Variants in ZNF426 observed in about 807,000 individuals in gnomAD.
The protein encoded by ZNF426 is zinc finger protein 426.
A neutral mutation model predicts 24.0 loss-of-function variants in ZNF426; 23 were observed. The observed-to-expected ratio is 0.96, with a 90% CI of 0.69 to 1.36. The LOEUF (loss-of-function observed/expected upper bound fraction) is 1.36, where lower values mean the gene tolerates loss of function less well. Among genes scored for constraint, ZNF426 ranks in the 40% most tolerant of loss-of-function variants. The pLI is 0.00. For synonymous variants in ZNF426, 272 were observed against 224.6 expected (o/e 1.21, Z -1.89); for missense variants, 646 against 658.4 (o/e 0.98, Z 0.21).
At chr19:9,536,705 A>G (rs1467545036) in intron 2 of ZNF426, 4 of 208,440 alleles carry the variant, frequency 1.9e-5, no homozygotes, top group Admixed American at 1.1e-4. Flanking sequence ...ACTCAAATCA[A>G]ATCTGCATCC....
rs762908262 is a variant in ZNF426, at chr19:9,535,166, TAAG to T, written c.117+19_117+21del. ...GTGGATGCAAGTATGTCACTATGTA[TAAG>T]AATACAGCTGCTTTTTACCTGATAA... On this transcript the variant is annotated intron_variant, in intron 4 of 7. Transcript: ENST00000253115. The T allele has an allele frequency of 5.0e-5, 79 of 1,593,928 alleles. No homozygotes were observed. Among genetic ancestry groups the T allele is most frequent in the Middle Eastern group, 3.3e-4 (2 of 5,990 alleles).
At position 9,528,790 on chromosome 19, in the gene ZNF426, C is replaced by G; in HGVS notation, c.1255G>C (p.Ala419Pro). 6.2e-7 allele frequency: 1 copy of G among 1,613,892 alleles called. No homozygotes were observed. The highest frequency in any genetic ancestry group is 1.1e-5 in the South Asian group (1 of 91,068). ...GHLRTHTEEKACECKICGKVF... is the reference protein window; with the variant it reads ...GHLRTHTEEKPCECKICGKVF... ...TTCCCACATATCTTACACTCACAGG[C>G]CTTCTCTTCAGTGTGAGTTCTCAAA... is the stretch of plus-strand genomic sequence containing the variant. The change falls in exon 8 of 8, where the codon GCC becomes CCC. Residue 419 changes from alanine to proline, a missense_variant. Coordinates refer to ENST00000253115, the MANE Select transcript of ZNF426 (RefSeq NM_024106.3).
chr19:9,533,038 GA>G, intron 5 of ZNF426, 113 bp from the exon 6 acceptor site: 1 of 882,194 alleles, frequency 1.1e-6, no homozygotes, highest in Non-Finnish European at 1.8e-6. Context: ...TCAAAAGGGC[GA>G]AAAATGCAAA....
intron 3 of ZNF426, among the ~76,000 whole-genome samples, chr19:9,535,788 T>C (rs2073956193): frequency 6.7e-6 from 1 of 148,648 alleles, no homozygotes; most frequent in Admixed American, 6.8e-5. Flanking sequence ...GAGCTATGAA[T>C]GCACCACTGC....
chr19:9,534,571 C>T (rs2073936444), intron 4 of ZNF426, among the ~76,000 whole-genome samples: 1 of 151,808 alleles, frequency 6.6e-6, no homozygotes, highest in Non-Finnish European at 1.5e-5. Context: ...CTGATCAATG[C>T]TGATAAACAA....
In ZNF426 at chr19:9,528,770, A is replaced by G; in HGVS notation, c.1275T>C (p.Cys425=). 1.2e-6 allele frequency: 2 copies of G among 1,614,086 alleles called. No individual in the cohort carries two copies. The highest frequency in any genetic ancestry group is 1.7e-6 in the Non-Finnish European group (2 of 1,180,002). ...ATGAGGGATACCCAAATACTTTCCC[A>G]CATATCTTACACTCACAGGCCTTCT... ...TEEKACECKI[C]GKVFGYPSCL... The change falls in exon 8 of 8, where the codon TGT becomes TGC. Residue 425 remains cysteine (C), a synonymous_variant. Transcript: ENST00000253115.
chr19:9,529,368 C>T lies in ZNF426; in HGVS notation c.677G>A (p.Cys226Tyr), dbSNP rs1471825962. The stretch of plus-strand genomic sequence containing the variant: ...AATGAAGGATTTTCCACAGTGACTA[C>T]ATTCAAATGACTTTTCTTGTGTGCT... ...RTSTQEKSFE[C>Y]SHCGKSFINE... The change falls in exon 8 of 8, where the codon TGT (cysteine) becomes TAT (tyrosine). Residue 226 changes from cysteine to tyrosine, a missense_variant. Cys to Tyr is a radical substitution (Grantham distance 194, BLOSUM62 -2). Coordinates refer to ENST00000253115, the MANE Select transcript of ZNF426 (RefSeq NM_024106.3). The T allele has an allele frequency of 1.2e-6, 2 of 1,614,198 alleles. No homozygotes were observed. The highest frequency in any genetic ancestry group is 1.1e-5 in the South Asian group (1 of 91,078).
chr19:9,528,281 C>T lies in ZNF426; in HGVS notation c.*99G>A. The T allele has an allele frequency of 7.9e-7, 1 of 1,265,752 alleles. No homozygotes were observed. Among genetic ancestry groups the T allele is most frequent in the Non-Finnish European group, 1.1e-6 (1 of 921,736 alleles). The allele number at this position is 1,265,752 out of a possible 1,614,324, so 78.4% of individuals were successfully genotyped here. On this transcript the variant is annotated 3_prime_UTR_variant, in exon 8 of 8. Transcript: ENST00000253115. Reference sequence around the variant, plus strand: ...GGGATTACAGGAATTAAGTAATTTTCATGCAGCTTCTTCTCTCCAGAGTGA... The same window carrying T: ...GGGATTACAGGAATTAAGTAATTTTTATGCAGCTTCTTCTCTCCAGAGTGA...
chr19:9,535,077 CAAA>C (rs35638085), intron 4 of ZNF426, 108 bp downstream of exon 4: 9,245 of 408,888 alleles, frequency 0.023, no homozygotes, highest in South Asian at 0.03. Context: ...GACTCCCTCT[CAAA>C]AAAAAAAAAA....
In ZNF426 at chr19:9,525,164, G is replaced by A. The variant is rs1009637208; in HGVS notation, c.*3216C>T. 22 of 151,086 alleles carry A rather than the reference G, an allele frequency of 1.5e-4. No individual in the cohort carries two copies. Among genetic ancestry groups the A allele is most frequent in the Non-Finnish European group, 2.9e-4 (20 of 67,852 alleles). The allele number at this position is 151,086 out of a possible 1,614,324, so 9.4% of individuals were successfully genotyped here. On this transcript the variant is annotated 3_prime_UTR_variant, in exon 8 of 8. Transcript: ENST00000253115. ...CTCGGGAGGCTGAGGCAGGAGAATG[G>A]CGTGAACCCGGGAGGCGGAGCTTGC...
At position 9,524,903 on chromosome 19, in the gene ZNF426, A is replaced by G. The variant is rs1162825453; in HGVS notation, c.*3477T>C. The stretch of plus-strand genomic sequence containing the variant: ...AATTTAAATAACTAGGTTTTTCAAC[A>G]TTGCTTTACATTTTCAGGGTTTTTC... On this transcript the variant is annotated 3_prime_UTR_variant, in exon 8 of 8. Transcript: ENST00000253115. 6.6e-6 allele frequency: 1 copy of G among 151,814 alleles called. No homozygotes were observed. Among genetic ancestry groups the G allele is most frequent in the African/African-American group, 2.4e-5 (1 of 41,356 alleles). 9.4% of individuals were successfully genotyped at this position (151,814 alleles called of 1,614,324 possible).
chr19:9,537,142 AT>A lies in ZNF426; in HGVS notation c.-124-787del, dbSNP rs202019538. ...AAGACTCTGTCTCAAAAAAAAAATAATAATAATAATAATGACAATCATTAAT... is the reference window on the plus strand; with the variant it reads ...AAGACTCTGTCTCAAAAAAAAAATAAAATAATAATAATGACAATCATTAAT... On this transcript the variant is annotated intron_variant, in intron 2 of 7. Coordinates refer to ENST00000253115, the MANE Select transcript of ZNF426 (RefSeq NM_024106.3). Among the ~76,000 whole-genome samples, 299 of 150,640 alleles carry A rather than the reference AT, an allele frequency of 2.0e-3. 1 individual carries two copies. Among genetic ancestry groups the A allele is most frequent in the African/African-American group, 7.1e-3 (284 of 40,004 alleles).
chr19:9,533,832 A>G lies in ZNF426; in HGVS notation c.244+8T>C. 6.2e-7 allele frequency: 1 copy of G among 1,614,032 alleles called. No individual in the cohort carries two copies. Among genetic ancestry groups the G allele is most frequent in the Non-Finnish European group, 8.5e-7 (1 of 1,179,924 alleles). On this transcript the variant is annotated splice_region_variant and intron_variant, in intron 5 of 7. Transcript: ENST00000253115. ...ATAGAAGGCTGCAAGGGATGAGGCC[A>G]GTCTTACCTACTGTGGCCAGGTTCT...
chr19:9,525,743 TC>T lies in ZNF426; in HGVS notation c.*2636del, dbSNP rs2073786056. 1.3e-5 allele frequency: 2 copies of T among 152,110 alleles called. No homozygotes were observed. Among genetic ancestry groups the T allele is most frequent in the Admixed American group, 1.3e-4 (2 of 15,248 alleles). 9.4% of individuals were successfully genotyped at this position (152,110 alleles called of 1,614,324 possible). A position where few individuals can be genotyped will look rare whatever the true frequency, so the allele number is the denominator to read the frequency against. On this transcript the variant is annotated 3_prime_UTR_variant, in exon 8 of 8. Coordinates refer to ENST00000253115, the MANE Select transcript of ZNF426 (RefSeq NM_024106.3). Reference sequence around the variant, plus strand: ...ACCTCATGATCCACCCACCTCTGCCTCCCAAAGTGCTGGGATTACAGGGTTG... The same window carrying T: ...ACCTCATGATCCACCCACCTCTGCCTCCAAAGTGCTGGGATTACAGGGTTG...
chr19:9,529,140 T>G lies in ZNF426; in HGVS notation c.905A>C (p.His302Pro). ...ACATTCATATGGTTTCTCCCCAGTG[T>G]GGGTTCGCATGTGAATACTGAGGTA... is the stretch of plus-strand genomic sequence containing the variant. ...PAYLSIHMRT[H>P]TGEKPYECKE... The change falls in exon 8 of 8, where the codon CAC becomes CCC. Residue 302 changes from histidine (H) to proline (P), a missense_variant. By Grantham distance (77) the His-to-Pro change is moderately conservative. Coordinates refer to ENST00000253115, the MANE Select transcript of ZNF426 (RefSeq NM_024106.3). 6.2e-7 allele frequency: 1 copy of G among 1,614,232 alleles called. No individual in the cohort carries two copies. The highest frequency in any genetic ancestry group is 8.5e-7 in the Non-Finnish European group (1 of 1,180,044).
chr19:9,533,409 T>A (rs994493108), intron 5 of ZNF426, among the ~76,000 whole-genome samples: 4 of 152,154 alleles, frequency 2.6e-5, no homozygotes, highest in African/African-American at 4.8e-5. Context: ...TGAGCTGAGA[T>A]CATGCCAGTG....
rs180907329 is a variant in ZNF426 at position 9,528,926 on chromosome 19, G to A, written c.1119C>T (p.Phe373=). The A allele has an allele frequency of 3.1e-6, 5 of 1,613,762 alleles. No individual in the cohort carries two copies. Among genetic ancestry groups the A allele is most frequent in the Admixed American group, 3.3e-5 (2 of 59,976 alleles). ...GTTGAATAAGGCGTGAGGATGTAAG[G>A]AAGGATTTCCCACATTCCTTACATT... ...PYECKECGKS[F]LTSSRLIQHI... Residue 373 remains phenylalanine, a synonymous_variant, in exon 8 of 8, where the codon TTC becomes TTT. Transcript: ENST00000253115.
rs1352945277 is a variant in ZNF426 at position 9,523,591 on chromosome 19, A to G, written c.*4789T>C. ...TGGGACATGTGACATAATCTAAATC[A>G]GTGGTCCCCTAACTTTTTGGCACCA... On this transcript the variant is annotated 3_prime_UTR_variant, in exon 8 of 8. Transcript: ENST00000253115. 6.6e-6 allele frequency: 1 copy of G among 152,252 alleles called. No homozygotes were observed. Among genetic ancestry groups the G allele is most frequent in the Admixed American group, 6.5e-5 (1 of 15,286 alleles). The allele number at this position is 152,252 out of a possible 1,614,324, so 9.4% of individuals were successfully genotyped here.
chr19:9,536,159 GTA>G (rs767568915), intron 3 of ZNF426, 47 bp downstream of exon 3: 2 of 1,612,540 alleles, frequency 1.2e-6, no homozygotes, highest in East Asian at 4.5e-5. Context: ...CCTATATTGT[GTA>G]AAGGGAACCT....
Sources: gnomAD v4.1 joint callset for allele counts (sites outside exome capture counted in the v4.1 genomes callset) on GRCh38, gnomAD v4.1.1 for gene constraint, MANE v1.5 for transcripts, NCBI Gene and HGNC (gene_info 2026-07-23, HGNC 2026-07-21) for gene names.